The following SPAG16 variants were observed in gnomAD, a reference collection of about 807,000 sequenced individuals.
SPAG16 encodes the protein sperm-associated antigen 16 protein.
In SPAG16, 86 loss-of-function variants were observed where a neutral mutation model predicts 80.4. The observed-to-expected ratio is 1.07, with a 90% CI of 0.90 to 1.28. The LOEUF (loss-of-function observed/expected upper bound fraction) is 1.28, where lower values mean the gene tolerates loss of function less well. Ranked by LOEUF, SPAG16 falls within the 50% of genes most tolerant of loss-of-function variation. SPAG16 has a pLI of 0.00. For synonymous variants in SPAG16, 294 were observed against 265.9 expected (o/e 1.11, Z -1.03); for missense variants, 870 against 765.3 (o/e 1.14, Z -1.61).
At chr2:214,365,977 A>G (rs1169577824) in intron 15 of SPAG16, among the ~76,000 whole-genome samples, 2 of 146,704 alleles carry the variant, frequency 1.4e-5, no homozygotes, top group Non-Finnish European at 3.0e-5. Flanking sequence ...TCTATTTGCC[A>G]GGTTTTTTTT....
chr2:213,365,461 A>AT (rs5838380), intron 8 of SPAG16: 2,394 of 146,984 alleles, frequency 0.016, 27 homozygotes, highest in South Asian at 0.041. Context: ...ACTAAAATGA[A>AT]TTTTTTTTTT....
intron 15 of SPAG16, among the ~76,000 whole-genome samples, chr2:214,398,514 C>T (rs1332752567): frequency 6.6e-6 from 1 of 152,206 alleles, no homozygotes; most frequent in Non-Finnish European, 1.5e-5. Context: ...TACTAGCTTT[C>T]AGCAAAAGCC....
chr2:213,572,214 G>C lies in SPAG16; in HGVS notation c.1070+82124G>C, dbSNP rs1301438977. 1.2e-4 allele frequency among the ~76,000 whole-genome samples: 10 copies of C among 85,122 alleles called. 1 individual carries two copies. Among genetic ancestry groups the C allele is most frequent in the Non-Finnish European group, 2.0e-4 (9 of 45,012 alleles). The allele number at this position is 85,122 out of a possible 152,430, so 55.8% of individuals were successfully genotyped here. A position where few individuals can be genotyped will look rare whatever the true frequency, so the allele number is the denominator to read the frequency against. The stretch of plus-strand genomic sequence containing the variant: ...TCCCGTAGCTCAGAGTAATTTGATC[G>C]TCTGAAGCCTTCTTCTCTCAGCTCG... On this transcript the variant is annotated intron_variant, in intron 10 of 15. Coordinates refer to ENST00000331683, the MANE Select transcript of SPAG16 (RefSeq NM_024532.5).
chr2:214,325,292 T>G (rs1211177870), intron 15 of SPAG16, among the ~76,000 whole-genome samples: 6 of 152,188 alleles, frequency 3.9e-5, no homozygotes, highest in Non-Finnish European at 1.5e-5. Context: ...TGCCTGAGAC[T>G]CCTTATTTAA....
chr2:213,338,330 A>G (rs1265441010), intron 5 of SPAG16, among the ~76,000 whole-genome samples: 1 of 152,208 alleles, frequency 6.6e-6, no homozygotes. Context: ...ATAACCAGCT[A>G]GCATCATAGT....
chr2:213,762,198 G>T (rs901768370), intron 10 of SPAG16, among the ~76,000 whole-genome samples: 1 of 152,166 alleles, frequency 6.6e-6, no homozygotes, highest in Non-Finnish European at 1.5e-5. Context: ...GGCTTCCAGG[G>T]ACTGGGAGGA....
chr2:214,356,488 A>G (rs1698812414), intron 15 of SPAG16, among the ~76,000 whole-genome samples: 1 of 151,968 alleles, frequency 6.6e-6, no homozygotes, highest in South Asian at 2.1e-4. Flanking sequence ...CAAAACAACT[A>G]TGTATACAGT....
intron 14 of SPAG16, among the ~76,000 whole-genome samples, chr2:214,128,115 T>C (rs1032030411): frequency 6.6e-6 from 1 of 151,872 alleles, no homozygotes; most frequent in Non-Finnish European, 1.5e-5. Context: ...TTCATTCAAA[T>C]GTAAATAACT....
intron 15 of SPAG16, among the ~76,000 whole-genome samples, chr2:214,409,792 AAAAG>A (rs1236457261): frequency 2.0e-5 from 3 of 152,232 alleles, no homozygotes; most frequent in African/African-American, 7.2e-5. Flanking sequence ...ATTTATTTGA[AAAAG>A]AAAGTTGCCT....
intron 15 of SPAG16, among the ~76,000 whole-genome samples, chr2:214,394,679 C>G (rs1180060921): frequency 1.3e-5 from 2 of 152,192 alleles, no homozygotes; most frequent in African/African-American, 4.8e-5. Context: ...CCTTGATTAT[C>G]AAAATCCCCT....
intron 15 of SPAG16, among the ~76,000 whole-genome samples, chr2:214,151,172 T>G (rs1173237420): frequency 6.6e-6 from 1 of 152,082 alleles, no homozygotes; most frequent in Non-Finnish European, 1.5e-5. Context: ...ATTTTCTCAT[T>G]GAATAATGAG....
chr2:213,575,646 A>G (rs1190718134), intron 10 of SPAG16, among the ~76,000 whole-genome samples: 1 of 152,102 alleles, frequency 6.6e-6, no homozygotes, highest in Non-Finnish European at 1.5e-5. Flanking sequence ...CCAATTTCTA[A>G]TTGCTTGATT....
chr2:213,694,042 CAAAAAAA>C (rs68152101), intron 10 of SPAG16, among the ~76,000 whole-genome samples: 4 of 121,368 alleles, frequency 3.3e-5, no homozygotes, highest in Admixed American at 7.9e-5. Flanking sequence ...TTATGCAAGA[CAAAAAAA>C]AAAAAGAAAA....
At chr2:214,052,139 A>C (rs1294900050) in intron 13 of SPAG16, among the ~76,000 whole-genome samples, 1 of 152,106 alleles carries the variant, frequency 6.6e-6, no homozygotes, top group Non-Finnish European at 1.5e-5. Flanking sequence ...TATTGGTAGG[A>C]CTATTTTTGC....
At chr2:213,876,308 A>C (rs2076138879) in intron 11 of SPAG16, among the ~76,000 whole-genome samples, 1 of 106,996 alleles carries the variant, frequency 9.3e-6, no homozygotes, top group African/African-American at 2.7e-5. Context: ...TTGAACCAAA[A>C]AAAAAAAAAA....
chr2:213,696,344 T>C (rs13020757), intron 10 of SPAG16, among the ~76,000 whole-genome samples: 40,130 of 152,110 alleles, frequency 0.26, 6,266 homozygotes, highest in Middle Eastern at 0.4. Flanking sequence ...CAATTGGATA[T>C]GTGAGTTTGG....
intron 10 of SPAG16, among the ~76,000 whole-genome samples, chr2:213,831,635 T>C (rs11681071): frequency 0.25 from 37,713 of 152,036 alleles, 5,218 homozygotes; most frequent in Middle Eastern, 0.38. Context: ...CAATTCTGCA[T>C]GTTCGTTTTT....
chr2:214,367,318 G>A (rs1051142109), intron 15 of SPAG16, among the ~76,000 whole-genome samples: 33 of 152,114 alleles, frequency 2.2e-4, no homozygotes, highest in African/African-American at 7.7e-4. Flanking sequence ...CAAGGCAAAC[G>A]ATTCATAGTT....
At chr2:213,466,030 G>T (rs1206983504) in intron 9 of SPAG16, among the ~76,000 whole-genome samples, 1 of 152,160 alleles carries the variant, frequency 6.6e-6, no homozygotes, top group Non-Finnish European at 1.5e-5. Context: ...AAAGCAGACA[G>T]AAGAATGGAA....
Sources: allele counts gnomAD v4.1 joint callset (sites outside exome capture counted in the v4.1 genomes callset), GRCh38; gene constraint gnomAD v4.1.1; transcripts MANE v1.5; gene names NCBI Gene and HGNC (gene_info 2026-07-23, HGNC 2026-07-21).